Variants in CD163L1 observed in about 807,000 individuals in gnomAD.
CD163L1 encodes the protein CD163 molecule like 1, also known as scavenger receptor cysteine-rich type 1 protein M160.
Under a neutral mutation model 165.4 loss-of-function variants are expected in CD163L1, and 124 were observed. The observed-to-expected ratio is 0.75, with a 90% confidence interval of 0.65 to 0.87. CD163L1 has a LOEUF of 0.87. CD163L1 is among the 40% of genes least tolerant of loss of function. CD163L1 has a pLI of 0.00. For missense variants in CD163L1, 1,525 were observed against 1,799.9 expected (o/e 0.85, Z 2.76); for synonymous variants, 585 against 662.2 (o/e 0.88, Z 1.79).
the CD163L1 span, among the ~76,000 whole-genome samples, chr12:7,320,510 T>C: frequency 2.0e-5 from 3 of 152,258 alleles, no homozygotes; most frequent in Non-Finnish European, 4.4e-5. Context: ...TCTGTTACTG[T>C]AATATTAATA....
intron 8 of CD163L1, among the ~76,000 whole-genome samples, chr12:7,386,569 A>C (rs1947520569): frequency 6.7e-6 from 1 of 150,128 alleles, no homozygotes; most frequent in African/African-American, 2.5e-5. Context: ...AAAAACCCTC[A>C]ACAAAATACC....
At chr12:7,441,804 A>G (rs371538849) in intron 1 of CD163L1, among the ~76,000 whole-genome samples, 40 of 152,200 alleles carry the variant, frequency 2.6e-4, no homozygotes, top group African/African-American at 9.4e-4. Context: ...CTGCTGATTG[A>G]GCTCATGATT....
chr12:7,334,813 ATG>A, the CD163L1 span, among the ~76,000 whole-genome samples: 1 of 150,984 alleles, frequency 6.6e-6, no homozygotes, highest in Admixed American at 6.6e-5. Flanking sequence ...CAAAATCAAT[ATG>A]CAAAAATCAC....
At chr12:7,377,104 T>C (rs11053534) in intron 9 of CD163L1, among the ~76,000 whole-genome samples, 9,429 of 152,250 alleles carry the variant, frequency 0.062, 429 homozygotes, top group African/African-American at 0.12. Flanking sequence ...TTCAGCTGCA[T>C]TGGATTCCTT....
In CD163L1 at chr12:7,374,762, A is replaced by G. The variant is rs1947226551; in HGVS notation, c.3095-6T>C. On this transcript the variant is annotated splice_region_variant and splice_polypyrimidine_tract_variant and intron_variant, in intron 12 of 19. Coordinates refer to ENST00000313599, the MANE Select transcript of CD163L1 (RefSeq NM_174941.6). This position sits in a 1 kb window ranked among gnomAD's most constrained non-coding sequence, Gnocchi z 5.4. ...TAGGCGGAGCCGTTTGTCCTCTTAGAGGAGAAAGTCCAGTTAATAGGTCAC... is the reference window on the plus strand; with the variant it reads ...TAGGCGGAGCCGTTTGTCCTCTTAGGGGAGAAAGTCCAGTTAATAGGTCAC... 2 of 1,613,600 alleles carry G rather than the reference A, an allele frequency of 1.2e-6. No homozygotes were observed.
At chr12:7,332,813 T>C in the CD163L1 span, among the ~76,000 whole-genome samples, 2 of 152,104 alleles carry the variant, frequency 1.3e-5, no homozygotes, top group Admixed American at 6.6e-5. Flanking sequence ...CAACCAGTAC[T>C]AGCCACTGCA....
At chr12:7,431,056 G>A (rs1342715952) in intron 4 of CD163L1, among the ~76,000 whole-genome samples, 1 of 152,116 alleles carries the variant, frequency 6.6e-6, no homozygotes, top group Admixed American at 6.6e-5. Context: ...GTTGCTTTCC[G>A]TAGTGACTTC....
chr12:7,387,727 T>C (rs988955763), intron 8 of CD163L1, among the ~76,000 whole-genome samples: 1 of 152,140 alleles, frequency 6.6e-6, no homozygotes, highest in African/African-American at 2.4e-5. Context: ...GTGAGCCAAA[T>C]AAACCTCTTT....
At chr12:7,414,649 G>A (rs1591945050) in intron 4 of CD163L1, among the ~76,000 whole-genome samples, 1 of 152,206 alleles carries the variant, frequency 6.6e-6, no homozygotes, top group Non-Finnish European at 1.5e-5. Flanking sequence ...GAGCTTCACT[G>A]TTATACATAA....
At chr12:7,427,094 G>C (rs1006809091) in intron 4 of CD163L1, among the ~76,000 whole-genome samples, 2 of 152,036 alleles carry the variant, frequency 1.3e-5, no homozygotes, top group East Asian at 3.8e-4. Context: ...ATAGTAATAC[G>C]TAATAGTAGG....
intron 18 of CD163L1, among the ~76,000 whole-genome samples, chr12:7,364,799 A>G (rs1946977821): frequency 6.6e-6 from 1 of 152,160 alleles, no homozygotes; most frequent in South Asian, 2.1e-4. Flanking sequence ...GACAAAAAAA[A>G]AGAAGTATAT....
At chr12:7,356,849 T>G (rs1294164879) in intron 19 of CD163L1, among the ~76,000 whole-genome samples, 1 of 152,162 alleles carries the variant, frequency 6.6e-6, no homozygotes, top group Non-Finnish European at 1.5e-5. Context: ...AACGAGTGCT[T>G]GTTTTTCTAA....
chr12:7,330,200 C>T, the CD163L1 span, among the ~76,000 whole-genome samples: 1 of 152,162 alleles, frequency 6.6e-6, no homozygotes, highest in African/African-American at 2.4e-5. Flanking sequence ...CTCTCAAATC[C>T]TTCTAGTCTG....
chr12:7,403,633 G>T lies in CD163L1; in HGVS notation c.1310C>A (p.Ser437Tyr). 6.2e-7 allele frequency: 1 copy of T among 1,614,022 alleles called. No homozygotes were observed. The highest frequency in any genetic ancestry group is 8.5e-7 in the Non-Finnish European group (1 of 1,179,966). The change falls in exon 6 of 20, where the codon TCT (serine) becomes TAT (tyrosine). Residue 437 changes from serine to tyrosine, a missense_variant. Coordinates refer to ENST00000313599, the MANE Select transcript of CD163L1 (RefSeq NM_174941.6). Reference sequence around the variant, plus strand: ...GAGAGCTGACTCATTCCCAGTGCAAGATATGCTGTTTATCCAAATGTCTCT... The same window carrying T: ...GAGAGCTGACTCATTCCCAGTGCAATATATGCTGTTTATCCAAATGTCTCT... ...EARDIWINSI[S>Y]CTGNESALWD...
At chr12:7,354,039 G>A (rs143517035), downstream of CD163L1, among the ~76,000 whole-genome samples, 2 of 152,118 alleles carry the variant, frequency 1.3e-5, no homozygotes, top group East Asian at 3.9e-4. Flanking sequence ...TTCAAAACAA[G>A]CTTTTCTTGG....
At chr12:7,421,065 GTATATATACGTA>G (rs1379129678) in intron 4 of CD163L1, among the ~76,000 whole-genome samples, 6 of 82,950 alleles carry the variant, frequency 7.2e-5, no homozygotes, top group East Asian at 4.6e-4. Context: ...ACGTATATAT[GTATATATACGTA>G]TATATATACG....
intron 6 of CD163L1, among the ~76,000 whole-genome samples, chr12:7,402,638 AT>A (rs200594568): frequency 0.16 from 23,156 of 144,456 alleles, 3,743 homozygotes; most frequent in African/African-American, 0.42. Context: ...TATTTATTTC[AT>A]TTTTTTTTTT....
At chr12:7,415,907 G>A (rs1424440782) in intron 4 of CD163L1, among the ~76,000 whole-genome samples, 1 of 152,164 alleles carries the variant, frequency 6.6e-6, no homozygotes, top group African/African-American at 2.4e-5. Flanking sequence ...TATCTTTATA[G>A]TAGAATGATT....
chr12:7,324,083 T>A, the CD163L1 span, among the ~76,000 whole-genome samples: 1 of 151,568 alleles, frequency 6.6e-6, no homozygotes, highest in Non-Finnish European at 1.5e-5. Flanking sequence ...GAGGCTGAGG[T>A]GAGAGGATCA....
Sources: allele counts gnomAD v4.1 joint callset (sites outside exome capture counted in the v4.1 genomes callset), GRCh38; gene constraint gnomAD v4.1.1; non-coding constraint Gnocchi (gnomAD v3.1); transcripts MANE v1.5; gene names NCBI Gene and HGNC (gene_info 2026-07-23, HGNC 2026-07-21).